ARID1B: variants seen among roughly 807,000 people sequenced by gnomAD.
ARID1B encodes the protein AT-rich interactive domain-containing protein 1B.
Under a neutral mutation model 212.3 loss-of-function variants are expected in ARID1B, and 30 were observed. The ratio of observed to expected loss-of-function variants is 0.14; its 90% CI spans 0.11 to 0.19. ARID1B has a LOEUF of 0.19. Ranked by LOEUF, ARID1B falls within the 10% of genes least tolerant of loss-of-function variation. ARID1B has a pLI of 1.00. For missense variants in ARID1B, 2,891 were observed against 3,204.0 expected (o/e 0.90, Z 2.36); for synonymous variants, 1,402 against 1,301.7 (o/e 1.08, Z -1.66).
intron 2 of ARID1B, among the ~76,000 whole-genome samples, chr6:156,867,913 G>T (rs749067710): frequency 1.3e-5 from 2 of 152,180 alleles, no homozygotes; most frequent in African/African-American, 4.8e-5. Context: ...TTTAATGTCC[G>T]AAACGAGTTG....
chr6:156,930,935 A>G (rs1235233318), intron 3 of ARID1B, among the ~76,000 whole-genome samples: 1 of 152,198 alleles, frequency 6.6e-6, no homozygotes, highest in Non-Finnish European at 1.5e-5. Context: ...TTATGCCTGT[A>G]ATCCCAGCAC....
chr6:156,932,153 G>A (rs935528872), intron 3 of ARID1B, among the ~76,000 whole-genome samples: 2 of 131,938 alleles, frequency 1.5e-5, no homozygotes, highest in South Asian at 5.0e-4. Context: ...AAAGGGGGGG[G>A]GCGGGGTGAA....
chr6:157,204,288 G>GAAT (rs1794301997), intron 19 of ARID1B: 2 of 222,326 alleles, frequency 9.0e-6, no homozygotes, highest in Non-Finnish European at 1.8e-5. Context: ...TGTTCAGAAT[G>GAAT]AATATTAGCT....
At chr6:157,042,346 AT>A (rs1400477210) in intron 4 of ARID1B, among the ~76,000 whole-genome samples, 4 of 152,218 alleles carry the variant, frequency 2.6e-5, no homozygotes, top group Non-Finnish European at 2.9e-5. Context: ...AGAAATATGT[AT>A]TACCAGTGTA....
chr6:156,812,475 A>C (rs1436229973), intron 1 of ARID1B, among the ~76,000 whole-genome samples: 1 of 152,078 alleles, frequency 6.6e-6, no homozygotes, highest in Admixed American at 6.6e-5. Flanking sequence ...TAGTATTTAT[A>C]AGCTTATTTT....
At chr6:156,862,922 A>G (rs985407705) in intron 2 of ARID1B, among the ~76,000 whole-genome samples, 5 of 152,244 alleles carry the variant, frequency 3.3e-5, no homozygotes, top group Non-Finnish European at 5.9e-5. Flanking sequence ...TTTAAAAACA[A>G]AAGGCAGGTG....
At chr6:156,925,508 T>TA (rs1422740296) in intron 3 of ARID1B, among the ~76,000 whole-genome samples, 3 of 151,734 alleles carry the variant, frequency 2.0e-5, no homozygotes, top group African/African-American at 4.8e-5. Flanking sequence ...ACCCTTTCTC[T>TA]AAAAAAAAGA....
upstream of ARID1B, chr6:156,776,396 T>G (rs926031132): frequency 1.3e-5 from 2 of 152,218 alleles, no homozygotes; most frequent in African/African-American, 4.8e-5. Context: ...TGAAGTTATA[T>G]TTATTAAATA....
chr6:156,940,451 T>G (rs1252271768), intron 4 of ARID1B: 2 of 152,250 alleles, frequency 1.3e-5, no homozygotes, highest in Non-Finnish European at 2.9e-5. Context: ...ATAAAACATA[T>G]GTTTTTTGGC....
rs1794565910 is a variant in ARID1B, at chr6:157,207,624, C to T, written c.6852C>T (p.Ser2284=). ...VQKGSIGNLI[S]FLEDGVTMAQ... The stretch of plus-strand genomic sequence containing the variant: ...AAGGAAGCATTGGAAACTTGATAAG[C>T]TTCCTAGAGGATGGGGTCACGATGG... The change falls in exon 20 of 20, where the codon AGC becomes AGT. Residue 2284 remains serine, a synonymous_variant. Coordinates refer to ENST00000636930, the MANE Select transcript of ARID1B (RefSeq NM_001374828.1). This position sits in a 1 kb window ranked among gnomAD's most constrained non-coding sequence, Gnocchi z 8.5. The T allele has an allele frequency of 1.2e-6, 2 of 1,614,162 alleles. No homozygotes were observed. Among genetic ancestry groups the T allele is most frequent in the Non-Finnish European group, 1.7e-6 (2 of 1,180,030 alleles).
At chr6:156,823,782 A>G (rs1242075264) in intron 1 of ARID1B, among the ~76,000 whole-genome samples, 1 of 148,174 alleles carries the variant, frequency 6.7e-6, no homozygotes, top group Non-Finnish European at 1.5e-5. Flanking sequence ...ATAAAGATGT[A>G]TCTAATAAAC....
chr6:156,980,956 CTAGT>C (rs1777567361), intron 4 of ARID1B, among the ~76,000 whole-genome samples: 1 of 152,178 alleles, frequency 6.6e-6, no homozygotes, highest in African/African-American at 2.4e-5. Context: ...CATGATAAAT[CTAGT>C]TAGTGTTTAT....
At chr6:156,783,518 T>C (rs1439450811) in intron 1 of ARID1B, among the ~76,000 whole-genome samples, 1 of 152,218 alleles carries the variant, frequency 6.6e-6, no homozygotes, top group Admixed American at 6.5e-5. Flanking sequence ...TTTATTTCTT[T>C]ATGATTCTGG....
intron 2 of ARID1B, among the ~76,000 whole-genome samples, chr6:156,871,168 T>C (rs1390817269): frequency 2.0e-5 from 3 of 152,240 alleles, no homozygotes; most frequent in Non-Finnish European, 4.4e-5. Flanking sequence ...TGCTACGGTT[T>C]CTTACATATA....
intron 1 of ARID1B, among the ~76,000 whole-genome samples, chr6:156,810,801 G>A (rs2127983416): frequency 6.6e-6 from 1 of 152,322 alleles, no homozygotes; most frequent in East Asian, 1.9e-4. Flanking sequence ...TGTGGGAGGG[G>A]CAAGAGTGAG....
chr6:156,778,166 G>GCCCCACCAGCAGCACCAC lies in ARID1B; in HGVS notation c.488_505dup (p.Pro163_His168dup). The GCCCCACCAGCAGCACCAC allele has an allele frequency of 6.5e-7, 1 of 1,541,390 alleles. No individual in the cohort carries two copies. The highest frequency in any genetic ancestry group is 2.5e-5 in the East Asian group (1 of 40,750). On this transcript the variant is annotated inframe_insertion, in exon 1 of 20. Coordinates refer to ENST00000636930, the MANE Select transcript of ARID1B (RefSeq NM_001374828.1). ...CCGTTGGCGAAGCCCCCGCCGCGCCGCCCCACCAGCAGCACCACCACCACC... is the reference window on the plus strand; with the variant it reads ...CCGTTGGCGAAGCCCCCGCCGCGCCGCCCCACCAGCAGCACCACCCCCACCAGCAGCACCACCACCACC...
chr6:157,103,278 G>A (rs2128499404), intron 5 of ARID1B, among the ~76,000 whole-genome samples: 1 of 152,020 alleles, frequency 6.6e-6, no homozygotes, highest in South Asian at 2.1e-4. Flanking sequence ...CTTATTGAAT[G>A]GTTACTATAT....
At chr6:157,150,931 C>T (rs983053551) in intron 8 of ARID1B, 1 of 172,226 alleles carries the variant, frequency 5.8e-6, no homozygotes, top group East Asian at 1.1e-4. Context: ...GCCGTCTGGC[C>T]GCGAAAGGAA....
intron 4 of ARID1B, among the ~76,000 whole-genome samples, chr6:157,021,677 C>T (rs747585712): frequency 7.0e-4 from 106 of 152,282 alleles, no homozygotes; most frequent in Non-Finnish European, 1.4e-3. Flanking sequence ...CGGCCGCAGC[C>T]ACATTCCTTT....
Sources: gnomAD v4.1 joint callset for allele counts (sites outside exome capture counted in the v4.1 genomes callset) on GRCh38, gnomAD v4.1.1 for gene constraint, Gnocchi (gnomAD v3.1) non-coding constraint, MANE v1.5 for transcripts, NCBI Gene and HGNC (gene_info 2026-07-23, HGNC 2026-07-21) for gene names.